The following WAPL variants were observed in gnomAD, a reference collection of about 807,000 sequenced individuals.
The protein encoded by WAPL is WAPL cohesin release factor.
WAPL carries 5 observed loss-of-function variants against 121.0 expected under a neutral mutation model. The ratio of observed to expected loss-of-function variants is 0.04; its 90% CI spans 0.02 to 0.09. WAPL has a LOEUF of 0.09. Ranked by LOEUF, WAPL falls within the 10% of genes least tolerant of loss-of-function variation. The pLI, the probability that WAPL is intolerant of heterozygous loss-of-function variation, is 1.00. For missense variants in WAPL, 999 were observed against 1,410.8 expected (o/e 0.71, Z 4.68); for synonymous variants, 480 against 481.5 (o/e 1.00, Z 0.04).
intron 4 of WAPL, among the ~76,000 whole-genome samples, chr10:86,477,187 G>C (rs1841677242): frequency 6.6e-6 from 1 of 152,154 alleles, no homozygotes; most frequent in Non-Finnish European, 1.5e-5. Context: ...ACATATGGCA[G>C]GGAGAGGAAG....
chr10:86,478,713 C>T (rs1841716059), intron 4 of WAPL, among the ~76,000 whole-genome samples: 2 of 152,132 alleles, frequency 1.3e-5, no homozygotes, highest in African/African-American at 4.8e-5. Flanking sequence ...AATATAGTTT[C>T]TATAAAAACA....
intron 9 of WAPL, among the ~76,000 whole-genome samples, chr10:86,461,868 T>C (rs974789547): frequency 1.5e-5 from 2 of 131,760 alleles, no homozygotes; most frequent in African/African-American, 2.5e-5. Flanking sequence ...GCAAGACTGA[T>C]TGTCTTTTCT....
At chr10:86,468,119 C>T (rs1188112552) in intron 8 of WAPL, among the ~76,000 whole-genome samples, 2 of 152,206 alleles carry the variant, frequency 1.3e-5, no homozygotes, top group South Asian at 2.1e-4. Context: ...TTAGGCTATA[C>T]TATGCTAAGA....
intron 17 of WAPL, among the ~76,000 whole-genome samples, chr10:86,438,955 C>T (rs183487539): frequency 6.6e-6 from 1 of 152,024 alleles, no homozygotes; most frequent in Admixed American, 6.5e-5. Flanking sequence ...AAATGTTTTA[C>T]GGAGAATAAA....
intron 2 of WAPL, among the ~76,000 whole-genome samples, chr10:86,507,178 G>GC (rs1450708486): frequency 6.6e-6 from 1 of 151,176 alleles, no homozygotes; most frequent in Non-Finnish European, 1.5e-5. Context: ...GACCACCCTG[G>GC]CCAATATAGT....
chr10:86,478,615 C>G (rs1841713292), intron 4 of WAPL, among the ~76,000 whole-genome samples: 1 of 152,028 alleles, frequency 6.6e-6, no homozygotes, highest in Non-Finnish European at 1.5e-5. Flanking sequence ...GGGGCATAAG[C>G]AAGAAAAACC....
intron 4 of WAPL, among the ~76,000 whole-genome samples, chr10:86,496,400 T>C (rs190373899): frequency 6.6e-6 from 1 of 152,094 alleles, no homozygotes; most frequent in Admixed American, 6.5e-5. Flanking sequence ...CAGAAAGTTA[T>C]AGGCCTACCA....
chr10:86,465,224 G>A (rs1245442232), intron 9 of WAPL, among the ~76,000 whole-genome samples: 1 of 152,044 alleles, frequency 6.6e-6, no homozygotes, highest in Non-Finnish European at 1.5e-5. Flanking sequence ...ACGTAGTCTT[G>A]CTCTGTTGCC....
At chr10:86,489,304 G>A (rs1396476995) in intron 4 of WAPL, among the ~76,000 whole-genome samples, 2 of 152,178 alleles carry the variant, frequency 1.3e-5, no homozygotes, top group South Asian at 2.1e-4. Flanking sequence ...TTGCTATAAA[G>A]AACATTACTG....
chr10:86,442,276 C>A (rs575902999), intron 17 of WAPL, among the ~76,000 whole-genome samples: 2 of 152,324 alleles, frequency 1.3e-5, no homozygotes, highest in South Asian at 4.1e-4. Context: ...AAGTGATCTG[C>A]CCATCTCAGC....
At chr10:86,467,852 A>AT (rs565853710) in intron 8 of WAPL, among the ~76,000 whole-genome samples, 196 of 151,246 alleles carry the variant, frequency 1.3e-3, no homozygotes, top group Middle Eastern at 6.8e-3. Flanking sequence ...TATTTTTTGT[A>AT]TTTTTTTAGT....
At chr10:86,499,644 T>A in intron 3 of WAPL, 74 bp downstream of exon 3, 2 of 1,473,750 alleles carry the variant, frequency 1.4e-6, no homozygotes, top group Non-Finnish European at 1.8e-6. Context: ...CTTGGGTAAT[T>A]GAAACCACAG....
intron 12 of WAPL, among the ~76,000 whole-genome samples, chr10:86,457,047 A>G (rs1171915662): frequency 6.6e-6 from 1 of 152,244 alleles, no homozygotes; most frequent in Non-Finnish European, 1.5e-5. Context: ...TATGAAGTAT[A>G]CAAAAGAGAT....
In WAPL at chr10:86,514,719, T is replaced by C. The variant is rs139170550; in HGVS notation, c.499+2852A>G. 1.5e-3 allele frequency among the ~76,000 whole-genome samples: 233 copies of C among 152,302 alleles called. 3 individuals are homozygous for C. The highest frequency in any genetic ancestry group is 5.5e-3 in the African/African-American group (227 of 41,564). ...CAACAGATTTAACATAAAGATATAT[T>C]GTCCGCAAAGCTACAGAAACAATTA... On this transcript the variant is annotated intron_variant, in intron 2 of 18. Coordinates refer to ENST00000298767, the MANE Select transcript of WAPL (RefSeq NM_015045.5).
chr10:86,482,767 A>C (rs1039243838), intron 4 of WAPL, among the ~76,000 whole-genome samples: 1 of 152,228 alleles, frequency 6.6e-6, no homozygotes, highest in Non-Finnish European at 1.5e-5. Context: ...GTAGGGATTC[A>C]CTAAAGAAGT....
At chr10:86,474,091 T>G (rs1841597030) in intron 4 of WAPL, 118 bp from the exon 5 acceptor site, 2 of 763,354 alleles carry the variant, frequency 2.6e-6, no homozygotes, top group Non-Finnish European at 4.4e-6. Flanking sequence ...ATGGATACTA[T>G]CTGGGAACAG....
intron 8 of WAPL, among the ~76,000 whole-genome samples, 159 bp from the exon 9 acceptor site, chr10:86,467,665 C>T (rs1452759248): frequency 4.0e-5 from 6 of 151,764 alleles, no homozygotes; most frequent in Non-Finnish European, 7.4e-5. Context: ...ATTCAGCGGT[C>T]CCTCTAAAAA....
chr10:86,452,354 G>A (rs1222199263), intron 14 of WAPL, among the ~76,000 whole-genome samples: 1 of 152,100 alleles, frequency 6.6e-6, no homozygotes, highest in Non-Finnish European at 1.5e-5. Flanking sequence ...CACTTTGGGA[G>A]GCCAAGGTAG....
chr10:86,505,388 G>GA (rs2132225820), intron 2 of WAPL, among the ~76,000 whole-genome samples: 1 of 136,772 alleles, frequency 7.3e-6, no homozygotes, highest in African/African-American at 2.7e-5. Context: ...ACGTTCAAGT[G>GA]ATATTCTCCT....
Sources: allele counts gnomAD v4.1 joint callset (sites outside exome capture counted in the v4.1 genomes callset), GRCh38; gene constraint gnomAD v4.1.1; transcripts MANE v1.5; gene names NCBI Gene and HGNC (gene_info 2026-07-23, HGNC 2026-07-21).